The following MACROD2 variants were observed in gnomAD, a reference collection of about 807,000 sequenced individuals.
MACROD2 encodes mono-ADP ribosylhydrolase 2.
Under a neutral mutation model 70.4 loss-of-function variants are expected in MACROD2, and 36 were observed. The observed-to-expected ratio is 0.51, with a 90% CI of 0.39 to 0.68. MACROD2 has a LOEUF of 0.68. MACROD2 is among the 30% of genes least tolerant of loss of function. The pLI is 0.00. For synonymous variants in MACROD2, 172 were observed against 178.8 expected (o/e 0.96, Z 0.30); for missense variants, 496 against 538.4 (o/e 0.92, Z 0.78).
At chr20:15,458,792 C>T (rs765136106) in intron 7 of MACROD2, among the ~76,000 whole-genome samples, 1 of 151,988 alleles carries the variant, frequency 6.6e-6, no homozygotes, top group Non-Finnish European at 1.5e-5. Context: ...CTGGACCTGG[C>T]AGATTTGGGC....
rs573322194 is a variant in MACROD2 at position 14,996,837 on chromosome 20, A to C, written c.419-233103A>C. 4.9e-4 allele frequency among the ~76,000 whole-genome samples: 74 copies of C among 152,138 alleles called. 1 individual carries two copies. In the East Asian group the frequency reaches 0.013, roughly 26 times the overall value. On this transcript the variant is annotated intron_variant, in intron 5 of 17. Transcript: ENST00000684519. ...TGGCCAAAGGGGAACCGTCCACACC[A>C]GCAGGCGGGTTTGAGCTAGCTCCAC...
intron 6 of MACROD2, among the ~76,000 whole-genome samples, chr20:15,384,954 A>T (rs1434645172): frequency 6.6e-6 from 1 of 152,196 alleles, no homozygotes; most frequent in African/African-American, 2.4e-5. Flanking sequence ...ACAAGTCATC[A>T]TGAAGGTGTG....
At chr20:15,792,248 T>C (rs752337568) in intron 8 of MACROD2, among the ~76,000 whole-genome samples, 18 of 152,086 alleles carry the variant, frequency 1.2e-4, no homozygotes, top group Non-Finnish European at 2.5e-4. Flanking sequence ...AAAGTAAAAA[T>C]TAAACTATGA....
intron 5 of MACROD2, among the ~76,000 whole-genome samples, chr20:15,107,069 T>C (rs966523407): frequency 1.4e-5 from 2 of 139,270 alleles, no homozygotes; most frequent in Non-Finnish European, 3.1e-5. Flanking sequence ...ATTCATAACA[T>C]TTAAGGCTTT....
intron 5 of MACROD2, among the ~76,000 whole-genome samples, chr20:14,938,953 T>TTTTTTTTTTTTTTTTTTTTTTTTTTTC (rs2074366549): frequency 6.8e-6 from 1 of 147,906 alleles, no homozygotes; most frequent in Non-Finnish European, 1.5e-5. Flanking sequence ...TTTTTTTTTT[T>TTTTTTTTTTTTTTTTTTTTTTTTTTTC]TTTTTTTTTA....
intron 4 of MACROD2, among the ~76,000 whole-genome samples, chr20:14,535,259 T>G (rs2085349829): frequency 6.6e-6 from 1 of 152,108 alleles, no homozygotes; most frequent in Non-Finnish European, 1.5e-5. Flanking sequence ...ATCCCAGCAC[T>G]TTGGGAGGCT....
At chr20:14,591,312 A>T (rs1294892355) in intron 4 of MACROD2, among the ~76,000 whole-genome samples, 1 of 152,194 alleles carries the variant, frequency 6.6e-6, no homozygotes, top group Non-Finnish European at 1.5e-5. Flanking sequence ...GGCTGTTAAC[A>T]TAATTATTTG....
At chr20:15,591,367 A>G (rs1490640943) in intron 8 of MACROD2, among the ~76,000 whole-genome samples, 1 of 152,136 alleles carries the variant, frequency 6.6e-6, no homozygotes, top group Non-Finnish European at 1.5e-5. Flanking sequence ...GCTACTCCAG[A>G]TACCTCACAG....
chr20:15,828,934 A>C (rs976332397), intron 8 of MACROD2, among the ~76,000 whole-genome samples: 1 of 152,192 alleles, frequency 6.6e-6, no homozygotes, highest in Non-Finnish European at 1.5e-5. Context: ...ATGGTTTGTA[A>C]ATACCATAAT....
chr20:14,781,397 A>G (rs1310599463), intron 5 of MACROD2, among the ~76,000 whole-genome samples: 1 of 150,624 alleles, frequency 6.6e-6, no homozygotes, highest in Non-Finnish European at 1.5e-5. Context: ...GTCCGTTTTC[A>G]TTTGTCTTGA....
At chr20:14,109,655 G>C (rs935877271) in intron 3 of MACROD2, among the ~76,000 whole-genome samples, 6 of 151,794 alleles carry the variant, frequency 4.0e-5, no homozygotes, top group Admixed American at 3.3e-4. Context: ...AGTTGGAAAT[G>C]GATATATTCA....
chr20:14,335,694 G>A (rs972089309), intron 3 of MACROD2, among the ~76,000 whole-genome samples: 5 of 152,040 alleles, frequency 3.3e-5, no homozygotes, highest in African/African-American at 4.8e-5. Flanking sequence ...TTACAGAACC[G>A]CAATATTAAT....
At chr20:14,850,753 A>G (rs905783529) in intron 5 of MACROD2, among the ~76,000 whole-genome samples, 1 of 152,198 alleles carries the variant, frequency 6.6e-6, no homozygotes, top group Non-Finnish European at 1.5e-5. Context: ...TCAGACAGAG[A>G]TGTCTTATTA....
intron 3 of MACROD2, among the ~76,000 whole-genome samples, chr20:14,285,984 A>T (rs2082340816): frequency 6.6e-6 from 1 of 151,854 alleles, no homozygotes; most frequent in African/African-American, 2.4e-5. Flanking sequence ...GCAGCCAAAA[A>T]AAAAAAAAAG....
intron 8 of MACROD2, among the ~76,000 whole-genome samples, chr20:15,858,657 A>T (rs1485667999): frequency 6.6e-6 from 1 of 152,210 alleles, no homozygotes; most frequent in Non-Finnish European, 1.5e-5. Context: ...GTGTGACATT[A>T]GCTGGGATGG....
intron 4 of MACROD2, among the ~76,000 whole-genome samples, chr20:14,580,829 A>C (rs937841036): frequency 6.6e-6 from 1 of 152,182 alleles, no homozygotes; most frequent in Non-Finnish European, 1.5e-5. Flanking sequence ...AATGACCTCA[A>C]GTTTACTTAG....
chr20:16,033,577 A>G (rs1466988014), intron 15 of MACROD2, among the ~76,000 whole-genome samples: 1 of 152,064 alleles, frequency 6.6e-6, no homozygotes, highest in Non-Finnish European at 1.5e-5. Context: ...ATAAATATTA[A>G]TCAGGCATTT....
chr20:15,819,411 A>T (rs1481502945), intron 8 of MACROD2, among the ~76,000 whole-genome samples: 1 of 143,544 alleles, frequency 7.0e-6, no homozygotes, highest in Non-Finnish European at 1.5e-5. Context: ...ATTTATATAT[A>T]TTTATATAAA....
intron 5 of MACROD2, among the ~76,000 whole-genome samples, chr20:14,948,050 G>T (rs959909029): frequency 6.6e-6 from 1 of 152,110 alleles, no homozygotes; most frequent in African/African-American, 2.4e-5. Flanking sequence ...CCCCTCCAAG[G>T]CATCAGAGGA....
Sources: allele counts gnomAD v4.1 joint callset (sites outside exome capture counted in the v4.1 genomes callset), GRCh38; gene constraint gnomAD v4.1.1; transcripts MANE v1.5; gene names NCBI Gene and HGNC (gene_info 2026-07-23, HGNC 2026-07-21).